The following MAPK15 variants were observed in gnomAD, a reference collection of about 807,000 sequenced individuals.
The protein encoded by MAPK15 is mitogen-activated protein kinase 15.
A neutral mutation model predicts 60.8 loss-of-function variants in MAPK15; 61 were observed. The observed-to-expected ratio is 1.00, with a 90% CI of 0.82 to 1.24. MAPK15 has a LOEUF of 1.24. Among genes scored for constraint, MAPK15 ranks in the 50% most tolerant of loss-of-function variants. The pLI is 0.00. For synonymous variants in MAPK15, 356 were observed against 319.9 expected, an observed-to-expected ratio of 1.11 and a Z score of -1.21; for missense variants, 808 against 741.1, an observed-to-expected ratio of 1.09 and a Z score of -1.05.
rs782741467 is a variant in MAPK15 at position 143,718,919 on chromosome 8, G to GC, written c.417+19dup. The GC allele has an allele frequency of 1.9e-6, 3 of 1,598,942 alleles. No individual in the cohort carries two copies. The highest frequency in any genetic ancestry group is 1.1e-5 in the South Asian group (1 of 89,330). On this transcript the variant is annotated intron_variant, in intron 5 of 13. Transcript: ENST00000338033. ...CGGGACCAGAAGGTGCGGTTCCCCC[G>GC]CCCCCGCTATGCCACGTGGCCCGGC... is the stretch of plus-strand genomic sequence containing the variant.
chr8:143,719,842 T>A (rs369264637), intron 7 of MAPK15, among the ~76,000 whole-genome samples: 1 of 150,682 alleles, frequency 6.6e-6, no homozygotes. Context: ...GAGATTCAGG[T>A]GCTGAGGGAA....
At chr8:143,719,593 C>T (rs1817967961) in intron 7 of MAPK15, 111 bp downstream of exon 7, 1 of 1,386,896 alleles carries the variant, frequency 7.2e-7, no homozygotes, top group Non-Finnish European at 9.6e-7. Flanking sequence ...GGGACGGGGA[C>T]AGGGAGGATC....
At position 143,722,142 on chromosome 8, in the gene MAPK15, G is replaced by T. The variant is rs781831384; in HGVS notation, c.1526G>T (p.Gly509Val). The change falls in exon 14 of 14, where the codon GGT (glycine) becomes GTT (valine). Residue 509 changes from glycine (G) to valine (V), a missense_variant. By Grantham distance (109) the Gly-to-Val change is moderately radical (BLOSUM62 -3). Transcript: ENST00000338033. ...RRMFSTSALQ[G>V]AQGGARALLG... ...ATGTTCAGCACCTCTGCCTTGCAGG[G>T]TGCCCAGGGGGGTGCCAGGGCTTTG... 2 of 1,611,928 alleles carry T rather than the reference G, an allele frequency of 1.2e-6. No homozygotes were observed. Among genetic ancestry groups the T allele is most frequent in the Non-Finnish European group, 1.7e-6 (2 of 1,179,570 alleles).
At chr8:143,722,003 G>A (rs1368003520) in intron 13 of MAPK15, 72 bp from the exon 14 acceptor site, 33 of 1,540,224 alleles carry the variant, frequency 2.1e-5, no homozygotes, top group Admixed American at 1.7e-4. Context: ...CAAATCTCTC[G>A]AGGACCTCAA....
chr8:143,719,122 T>A lies in MAPK15; in HGVS notation c.547T>A (p.Tyr183Asn). ...GACAGAGTACGTGGCCACACGCTGG[T>A]ACCGAGCACCGGAGGTGCTGCTCTC... ...AVTEYVATRW[Y>N]RAPEVLLSSH... The change falls in exon 6 of 14, where the codon TAC becomes AAC. Residue 183 changes from tyrosine (Y) to asparagine (N), a missense_variant. By Grantham distance (143) the Tyr-to-Asn change is moderately radical (BLOSUM62 -2). Transcript: ENST00000338033. The A allele has an allele frequency of 6.4e-7, 1 of 1,557,714 alleles. No homozygotes were observed. The highest frequency in any genetic ancestry group is 8.7e-7 in the Non-Finnish European group (1 of 1,151,322).
Position 143,721,095 on chromosome 8 carries a change from G to T in MAPK15, c.1013G>T (p.Arg338Leu). 6.2e-7 allele frequency: 1 copy of T among 1,610,846 alleles called. No individual in the cohort carries two copies. Among genetic ancestry groups the T allele is most frequent in the South Asian group, 1.1e-5 (1 of 90,884 alleles). The change falls in exon 10 of 14, where the codon CGC (arginine) becomes CTC (leucine). Residue 338 changes from arginine (R) to leucine (L), a missense_variant. Coordinates refer to ENST00000338033, the MANE Select transcript of MAPK15 (RefSeq NM_139021.3). ...CTCTCTGTGCCTGAGTACCGCAGCC[G>T]CGTCTATCAGGTGCTCCGGCTCTCG... is the stretch of plus-strand genomic sequence containing the variant. Reference protein sequence around the residue: ...VQLSVPEYRSRVYQMILECGG... With the variant: ...VQLSVPEYRSLVYQMILECGG...
intron 1 of MAPK15, among the ~76,000 whole-genome samples, chr8:143,716,922 CTG>C (rs143854279): frequency 6.6e-6 from 1 of 151,426 alleles, no homozygotes; most frequent in African/African-American, 2.4e-5. Flanking sequence ...GCATGTAAGC[CTG>C]TGTGTGTGTG....
In MAPK15 at chr8:143,718,827, C is replaced by A. The variant is rs143159328; in HGVS notation, c.339C>A (p.His113Gln). 6.2e-7 allele frequency: 1 copy of A among 1,612,196 alleles called. No homozygotes were observed. Among genetic ancestry groups the A allele is most frequent in the South Asian group, 1.1e-5 (1 of 90,942 alleles). Residue 113 changes from histidine (H) to glutamine (Q), a missense_variant, in exon 5 of 14, where the codon CAC (histidine) becomes CAA (glutamine). By Grantham distance (24) the His-to-Gln change is conservative (BLOSUM62 0). Coordinates refer to ENST00000338033, the MANE Select transcript of MAPK15 (RefSeq NM_139021.3). ...AGGGCGGCCTGCTGCAGGACGTCCA[C>A]GTGCGCTCCATCTTCTACCAGCTCC... ...IRKGGLLQDV[H>Q]VRSIFYQLLR... is the part of the protein sequence containing the mutation.
chr8:143,720,817 A>C lies in MAPK15; in HGVS notation c.894A>C (p.Ala298=), dbSNP rs555989861. 1.2e-6 allele frequency: 2 copies of C among 1,613,048 alleles called. No individual in the cohort carries two copies. Among genetic ancestry groups the C allele is most frequent in the South Asian group, 2.2e-5 (2 of 91,078 alleles). Residue 298 remains alanine, a synonymous_variant, in exon 9 of 14, where the codon GCA becomes GCC. Coordinates refer to ENST00000338033, the MANE Select transcript of MAPK15 (RefSeq NM_139021.3). This position sits in a 1 kb window ranked among gnomAD's most constrained non-coding sequence, Gnocchi z 4.6. ...ACAAGCGGTTAAGCGCGACCCAGGCACTGCAGCACCCCTACGTGCAGAGGT... is the reference window on the plus strand; with the variant it reads ...ACAAGCGGTTAAGCGCGACCCAGGCCCTGCAGCACCCCTACGTGCAGAGGT... The part of the protein sequence containing the change: ...APDKRLSATQ[A]LQHPYVQRFH...
chr8:143,720,580 GCA>G lies in MAPK15; in HGVS notation c.780-122_780-121del. ...GACTGCCTGCAGGTCAGGCACAGGGGCATCTACCTAGACAGGACAGCAGGGTG... is the reference window on the plus strand; with the variant it reads ...GACTGCCTGCAGGTCAGGCACAGGGGTCTACCTAGACAGGACAGCAGGGTG... On this transcript the variant is annotated intron_variant, in intron 8 of 13. Coordinates refer to ENST00000338033, the MANE Select transcript of MAPK15 (RefSeq NM_139021.3). This position sits in a 1 kb window ranked among gnomAD's most constrained non-coding sequence, Gnocchi z 4.6. 1 of 1,483,526 alleles carries G rather than the reference GCA, an allele frequency of 6.7e-7. No individual in the cohort carries two copies. The highest frequency in any genetic ancestry group is 9.0e-7 in the Non-Finnish European group (1 of 1,112,590). 91.9% of individuals were successfully genotyped at this position (1,483,526 alleles called of 1,614,324 possible).
At position 143,718,084 on chromosome 8, in the gene MAPK15, G is replaced by T; in HGVS notation, c.195+8G>T. 1 of 1,614,036 alleles carries T rather than the reference G, an allele frequency of 6.2e-7. No individual in the cohort carries two copies. Among genetic ancestry groups the T allele is most frequent in the South Asian group, 1.1e-5 (1 of 91,084 alleles). On this transcript the variant is annotated splice_region_variant and intron_variant, in intron 3 of 13. Transcript: ENST00000338033. ...GAAATCACGCTCCTCCAGGTGAGTG[G>T]CCTGGGCCCTCCAGTCCAATCCCCT...
rs782580459 is a variant in MAPK15, at chr8:143,719,484, T to C, written c.721+2T>C. The C allele has an allele frequency of 3.1e-6, 5 of 1,604,858 alleles. No individual in the cohort carries two copies. The highest frequency in any genetic ancestry group is 4.2e-6 in the Non-Finnish European group (5 of 1,177,474). ...CCATCCCACCGCCATCTGAGGAGGG[T>C]GAGCCAGGCTGCTGGGGCTGGGCAC... On this transcript the variant is annotated splice_donor_variant, in intron 7 of 13. Coordinates refer to ENST00000338033, the MANE Select transcript of MAPK15 (RefSeq NM_139021.3). LOFTEE classifies it high-confidence loss of function.
At chr8:143,719,692 C>G (rs1043045726) in intron 7 of MAPK15, among the ~76,000 whole-genome samples, 16 of 152,230 alleles carry the variant, frequency 1.1e-4, no homozygotes, top group Middle Eastern at 3.4e-3. Flanking sequence ...AAGGCAGCAC[C>G]TGGCACAGTC....
At position 143,721,329 on chromosome 8, in the gene MAPK15, C is replaced by T; in HGVS notation, c.1122C>T (p.Asp374=). The change falls in exon 11 of 14, where the codon GAC becomes GAT. Residue 374 remains aspartate, a synonymous_variant. Coordinates refer to ENST00000338033, the MANE Select transcript of MAPK15 (RefSeq NM_139021.3). ...CACACCTGCACAAACCCAGAGCCGA[C>T]CCTCAGCTGCCTTCTAGGACACCTG... is the stretch of plus-strand genomic sequence containing the variant. ...SQAHLHKPRA[D]PQLPSRTPVQ... 1 of 1,613,716 alleles carries T rather than the reference C, an allele frequency of 6.2e-7. No homozygotes were observed. The highest frequency in any genetic ancestry group is 8.5e-7 in the Non-Finnish European group (1 of 1,179,960).
At chr8:143,718,928 A>G in intron 5 of MAPK15, 23 bp downstream of exon 5, 4 of 1,598,840 alleles carry the variant, frequency 2.5e-6, no homozygotes, top group African/African-American at 1.3e-5. Flanking sequence ...CGCCCCCGCT[A>G]TGCCACGTGG....
rs782506286 is a variant in MAPK15 at position 143,716,408 on chromosome 8, C to A, written c.31C>A (p.Arg11=). The part of the protein sequence containing the change: MCTVVDPRIV[R]RYLLRRQLGQ... ...CACCGTAGTGGACCCTCGCATTGTC[C>A]GGAGATACCTACTCAGGCGGCAGCT... Residue 11 remains arginine, a synonymous_variant, in exon 1 of 14, where the codon CGG becomes AGG. Coordinates refer to ENST00000338033, the MANE Select transcript of MAPK15 (RefSeq NM_139021.3). 2.5e-6 allele frequency: 4 copies of A among 1,605,560 alleles called. No homozygotes were observed. The African/African-American group carries it at 5.4e-5, about 22-fold the overall frequency.
intron 2 of MAPK15, 98 bp from the exon 3 acceptor site, chr8:143,717,949 G>T: frequency 6.4e-7 from 1 of 1,559,776 alleles, no homozygotes. Flanking sequence ...TGGTCTGGTG[G>T]GTATTGGGTG....
Position 143,716,427 on chromosome 8 carries a change from G to A in MAPK15, c.50G>A (p.Arg17Gln), listed in dbSNP as rs1817810963. The part of the protein sequence containing the change: ...PRIVRRYLLR[R>Q]QLGQGAYGIV... ...ATTGTCCGGAGATACCTACTCAGGC[G>A]GCAGCTCGGGCAGGGGGTGAGTGCC... The change falls in exon 1 of 14, where the codon CGG becomes CAG. Residue 17 changes from arginine (R) to glutamine (Q), a missense_variant. Arg to Gln is a conservative substitution (Grantham distance 43, BLOSUM62 1). Coordinates refer to ENST00000338033, the MANE Select transcript of MAPK15 (RefSeq NM_139021.3). 1.2e-6 allele frequency: 2 copies of A among 1,603,748 alleles called. No individual in the cohort carries two copies. The highest frequency in any genetic ancestry group is 1.7e-6 in the Non-Finnish European group (2 of 1,176,186).
At chr8:143,716,921 C>A (rs1817834257) in intron 1 of MAPK15, among the ~76,000 whole-genome samples, 1 of 151,778 alleles carries the variant, frequency 6.6e-6, no homozygotes, top group South Asian at 2.1e-4. Flanking sequence ...AGCATGTAAG[C>A]CTGTGTGTGT....
Sources: gnomAD v4.1 joint callset for allele counts (sites outside exome capture counted in the v4.1 genomes callset) on GRCh38, gnomAD v4.1.1 for gene constraint, Gnocchi (gnomAD v3.1) non-coding constraint, MANE v1.5 for transcripts, NCBI Gene and HGNC (gene_info 2026-07-23, HGNC 2026-07-21) for gene names.